The following MYO5B variants were observed in gnomAD, a reference collection of about 807,000 sequenced individuals.
MYO5B encodes the protein myosin VB.
In MYO5B, 143 loss-of-function variants were observed where a neutral mutation model predicts 229.3. The observed-to-expected ratio is 0.62, with a 90% confidence interval of 0.54 to 0.72. MYO5B has a LOEUF of 0.72. Ranked by LOEUF, MYO5B falls within the 30% of genes least tolerant of loss-of-function variation. MYO5B has a pLI of 0.00. For synonymous variants in MYO5B, 918 were observed against 885.2 expected, an observed-to-expected ratio of 1.04 and a Z score of -0.66; for missense variants, 2,321 against 2,331.0, an observed-to-expected ratio of 1.00 and a Z score of 0.09.
chr18:50,153,798 T>G (rs773837822), intron 1 of MYO5B, among the ~76,000 whole-genome samples: 36 of 151,990 alleles, frequency 2.4e-4, no homozygotes, highest in Non-Finnish European at 4.9e-4. Flanking sequence ...AGTGGGGAAG[T>G]GAGTGAGTGA....
rs973518824 is a variant in MYO5B at position 49,931,723 on chromosome 18, T to C, written c.2004-2125A>G. Among the ~76,000 whole-genome samples the C allele has an allele frequency of 3.9e-5, 6 of 152,186 alleles. No homozygotes were observed. In the East Asian group the frequency reaches 5.8e-4, roughly 15 times the overall value. On this transcript the variant is annotated intron_variant, in intron 16 of 39. Transcript: ENST00000285039. ...TCATAAGCAGCTGCTCGGCTGCCCA[T>C]GACTGCGAGTGATCAGAAGCCTTCG... is the stretch of plus-strand genomic sequence containing the variant.
chr18:50,152,104 T>G (rs2032607951), intron 1 of MYO5B, among the ~76,000 whole-genome samples: 1 of 152,174 alleles, frequency 6.6e-6, no homozygotes, highest in Admixed American at 6.5e-5. Context: ...CCACAATTCC[T>G]CAGCCAAAGA....
chr18:49,882,635 A>AAAAAAAAG, intron 22 of MYO5B, among the ~76,000 whole-genome samples: 1 of 150,406 alleles, frequency 6.6e-6, no homozygotes, highest in Admixed American at 6.6e-5. Context: ...TCAAAAAAAA[A>AAAAAAAAG]AAAAAAGAAA....
intron 26 of MYO5B, among the ~76,000 whole-genome samples, chr18:49,873,555 G>C (rs1040226192): frequency 2.6e-5 from 4 of 152,224 alleles, no homozygotes; most frequent in African/African-American, 7.2e-5. Context: ...ACCACCAGTG[G>C]TATAGGAGGC....
At chr18:50,165,174 A>G (rs1470378718) in intron 1 of MYO5B, among the ~76,000 whole-genome samples, 1 of 152,228 alleles carries the variant, frequency 6.6e-6, no homozygotes, top group African/African-American at 2.4e-5. Flanking sequence ...CCACTGATTA[A>G]CACTTTTAAA....
At chr18:49,842,667 C>T (rs1568605722) in intron 34 of MYO5B, among the ~76,000 whole-genome samples, 2 of 152,244 alleles carry the variant, frequency 1.3e-5, no homozygotes, top group East Asian at 3.8e-4. Flanking sequence ...CCTGTTTCTG[C>T]AGTGGCTGCA....
chr18:50,026,173 C>T lies in MYO5B; in HGVS notation c.455+10677G>A, dbSNP rs141092676. 6.7e-3 allele frequency among the ~76,000 whole-genome samples: 1,015 copies of T among 152,320 alleles called. 10 individuals are homozygous for T. The highest frequency in any genetic ancestry group is 0.025 in the South Asian group (123 of 4,830). ...ATCACTTCCAGCCACTTAAGAAAAG[C>T]TGCTTTCTGGCATCCACCACATGAT... On this transcript the variant is annotated intron_variant, in intron 4 of 39. Transcript: ENST00000285039.
rs2030927812 is a variant in MYO5B, at chr18:50,070,377, A to T, written c.28-14999T>A. On this transcript the variant is annotated intron_variant, in intron 1 of 39. Coordinates refer to ENST00000285039, the MANE Select transcript of MYO5B (RefSeq NM_001080467.3). ...AACCAATTTGTTCCCACTCCAACTG[A>T]TTTTCTAGACTGCTTGCTTCTAGAG... Among the ~76,000 whole-genome samples the T allele has an allele frequency of 2.0e-5, 3 of 151,712 alleles. 1 individual carries two copies. The South Asian group carries it at 6.2e-4, about 32-fold the overall frequency.
intron 27 of MYO5B, among the ~76,000 whole-genome samples, chr18:49,870,960 C>G (rs1333143455): frequency 6.6e-6 from 1 of 152,120 alleles, no homozygotes; most frequent in East Asian, 1.9e-4. Flanking sequence ...CCTAAAAGAA[C>G]TGAAAGCAGG....
Position 49,980,479 on chromosome 18 carries a change from G to C in MYO5B, c.1021C>G (p.Gln341Glu). ...CAGGAATCACCATCACGCTCAGCCT[G>C]AATCGCCACACTTCCAAGGTGCAAG... is the stretch of plus-strand genomic sequence containing the variant. ...SILHLGSVAI[Q>E]AERDGDSCSI... The change falls in exon 9 of 40, where the codon CAG becomes GAG. Residue 341 changes from glutamine (Q) to glutamate (E), a missense_variant. Gln to Glu is a conservative substitution (Grantham distance 29). Transcript: ENST00000285039. 6.2e-7 allele frequency: 1 copy of C among 1,613,788 alleles called. No individual in the cohort carries two copies. The highest frequency in any genetic ancestry group is 8.5e-7 in the Non-Finnish European group (1 of 1,179,766).
At chr18:49,922,894 C>A (rs2025089930) in intron 17 of MYO5B, among the ~76,000 whole-genome samples, 1 of 152,158 alleles carries the variant, frequency 6.6e-6, no homozygotes. Flanking sequence ...GGGTTGTGGG[C>A]ATCTTGACTC....
chr18:50,057,659 C>T (rs2030584348), intron 1 of MYO5B, among the ~76,000 whole-genome samples: 1 of 152,150 alleles, frequency 6.6e-6, no homozygotes, highest in African/African-American at 2.4e-5. Flanking sequence ...AATCTCTCCT[C>T]TCTAAAGAGA....
At chr18:49,963,419 T>TTAATTA (rs373905808) in intron 10 of MYO5B, among the ~76,000 whole-genome samples, 1,607 of 133,152 alleles carry the variant, frequency 0.012, 21 homozygotes, top group East Asian at 0.042. Flanking sequence ...TTAATTAATT[T>TTAATTA]ATTTATTTAT....
intron 17 of MYO5B, 41 bp downstream of exon 17, chr18:49,929,471 T>C (rs1242516894): frequency 1.9e-6 from 3 of 1,546,592 alleles, no homozygotes; most frequent in Non-Finnish European, 2.6e-6. Flanking sequence ...CTGGCTGCTC[T>C]AGGGCAGCCC....
intron 18 of MYO5B, among the ~76,000 whole-genome samples, chr18:49,908,381 G>T (rs2024923412): frequency 6.6e-6 from 1 of 152,196 alleles, no homozygotes; most frequent in African/African-American, 2.4e-5. Context: ...TTCTCCAAGA[G>T]TCAGACTGCA....
intron 1 of MYO5B, among the ~76,000 whole-genome samples, chr18:50,088,845 C>A (rs774159459): frequency 6.6e-6 from 1 of 152,174 alleles, no homozygotes; most frequent in Non-Finnish European, 1.5e-5. Context: ...AGAAAGCCTG[C>A]ATATTACACC....
intron 1 of MYO5B, among the ~76,000 whole-genome samples, chr18:50,101,223 T>C (rs894059243): frequency 4.6e-5 from 7 of 152,224 alleles, no homozygotes; most frequent in African/African-American, 1.4e-4. Context: ...CCGCAATGTA[T>C]ATGTACATCA....
At chr18:49,859,713 C>T (rs1274790487) in intron 29 of MYO5B, among the ~76,000 whole-genome samples, 1 of 152,122 alleles carries the variant, frequency 6.6e-6, no homozygotes, top group East Asian at 1.9e-4. Flanking sequence ...TCAGGACCAG[C>T]AGAACTTTGG....
chr18:49,890,008 A>G (rs1787307), intron 22 of MYO5B, among the ~76,000 whole-genome samples: 88,325 of 152,040 alleles, frequency 0.58, 25,806 homozygotes, highest in Middle Eastern at 0.66. Context: ...AGGGGGATTT[A>G]CTTTTCTTGC....
Sources: gnomAD v4.1 joint callset for allele counts (sites outside exome capture counted in the v4.1 genomes callset) on GRCh38, gnomAD v4.1.1 for gene constraint, MANE v1.5 for transcripts, NCBI Gene and HGNC (gene_info 2026-07-23, HGNC 2026-07-21) for gene names.